MAP3K5: variants seen among roughly 807,000 people sequenced by gnomAD.
MAP3K5 encodes the protein ASK-1.
In MAP3K5, 56 loss-of-function variants were observed where a neutral mutation model predicts 158.7. The observed-to-expected ratio is 0.35, with a 90% CI of 0.28 to 0.44. The LOEUF (loss-of-function observed/expected upper bound fraction) is 0.44. MAP3K5 is among the 20% of genes least tolerant of loss of function. The pLI is 1.00. For missense variants in MAP3K5, 1,294 were observed against 1,674.8 expected (o/e 0.77, Z 3.97); for synonymous variants, 579 against 601.7 (o/e 0.96, Z 0.55).
intron 1 of MAP3K5, among the ~76,000 whole-genome samples, chr6:136,731,908 A>G (rs561254618): frequency 6.6e-6 from 1 of 152,368 alleles, no homozygotes; most frequent in East Asian, 1.9e-4. Flanking sequence ...AGAAAGATCT[A>G]AAAGCTTTTA....
intron 7 of MAP3K5, among the ~76,000 whole-genome samples, chr6:136,692,904 C>T (rs1562618401): frequency 6.6e-6 from 1 of 151,622 alleles, no homozygotes. Flanking sequence ...GGCAGTGGGC[C>T]GAGATTGCAC....
In MAP3K5 at chr6:136,791,400, A is replaced by T. The variant is rs951080976; in HGVS notation, c.448+310T>A. ...CGAAACCGAGACACTGAAAGGAGAA[A>T]GACTGACTGGGGCAAATATCTCACA... On this transcript the variant is annotated intron_variant, in intron 1 of 29. Transcript: ENST00000359015. Among the ~76,000 whole-genome samples the T allele has an allele frequency of 7.9e-5, 12 of 152,136 alleles. No homozygotes were observed. The East Asian group carries it at 2.3e-3, about 29-fold the overall frequency.
At chr6:136,601,101 G>A (rs991436884) in intron 20 of MAP3K5, 59 bp from the exon 21 acceptor site, 1 of 1,565,788 alleles carries the variant, frequency 6.4e-7, no homozygotes, top group African/African-American at 1.4e-5. Flanking sequence ...TTGTTAAACT[G>A]AGAAATCAAC....
At chr6:136,740,653 C>G (rs2114873871) in intron 1 of MAP3K5, among the ~76,000 whole-genome samples, 1 of 152,272 alleles carries the variant, frequency 6.6e-6, no homozygotes, top group Admixed American at 6.5e-5. Flanking sequence ...AGAAATGTTA[C>G]CTGAAATTCC....
chr6:136,730,121 C>A (rs35342788), intron 1 of MAP3K5, among the ~76,000 whole-genome samples: 1 of 151,448 alleles, frequency 6.6e-6, no homozygotes, highest in Non-Finnish European at 1.5e-5. Context: ...CACAAGTACA[C>A]GCCACCATAC....
intron 1 of MAP3K5, among the ~76,000 whole-genome samples, chr6:136,760,079 G>C (rs2114963446): frequency 1.3e-5 from 2 of 152,262 alleles, no homozygotes; most frequent in Non-Finnish European, 2.9e-5. Flanking sequence ...AAAGAAAGCA[G>C]GACAGAATGC....
At chr6:136,668,212 T>C (rs1779311797) in intron 8 of MAP3K5, among the ~76,000 whole-genome samples, 1 of 151,988 alleles carries the variant, frequency 6.6e-6, no homozygotes, top group South Asian at 2.1e-4. Flanking sequence ...TGGCCACGTC[T>C]TTATAAAAAA....
chr6:136,753,118 G>C (rs1390152546), intron 1 of MAP3K5, among the ~76,000 whole-genome samples: 1 of 152,048 alleles, frequency 6.6e-6, no homozygotes, highest in Non-Finnish European at 1.5e-5. Context: ...TTATTTATCT[G>C]CCTGTTTATT....
chr6:136,699,262 A>G (rs1399662133), intron 3 of MAP3K5, among the ~76,000 whole-genome samples: 1 of 152,034 alleles, frequency 6.6e-6, no homozygotes, highest in Non-Finnish European at 1.5e-5. Context: ...ATATAATGTC[A>G]TATTTGTCCA....
intron 10 of MAP3K5, among the ~76,000 whole-genome samples, chr6:136,652,480 G>C (rs953419882): frequency 6.6e-6 from 1 of 152,106 alleles, no homozygotes; most frequent in Non-Finnish European, 1.5e-5. Context: ...AAGCGGTAAT[G>C]ATGAATAATG....
At chr6:136,693,865 G>A (rs184632440) in intron 7 of MAP3K5, among the ~76,000 whole-genome samples, 66 of 152,234 alleles carry the variant, frequency 4.3e-4, no homozygotes, top group Admixed American at 1.0e-3. Flanking sequence ...GCGGGCACCT[G>A]TAATCCCAGT....
intron 6 of MAP3K5, among the ~76,000 whole-genome samples, chr6:136,695,436 G>A (rs540087700): frequency 9.5e-4 from 144 of 152,206 alleles, no homozygotes; most frequent in African/African-American, 3.3e-3. Flanking sequence ...ACCACGCCCA[G>A]CCTGTGAAAT....
intron 14 of MAP3K5, among the ~76,000 whole-genome samples, chr6:136,636,203 G>A (rs1777627658): frequency 6.6e-6 from 1 of 150,704 alleles, no homozygotes; most frequent in Non-Finnish European, 1.5e-5. Context: ...GCAGAGCAGG[G>A]TAACATTAGT....
rs982072227 is a variant in MAP3K5, at chr6:136,792,338, C to T, written c.-181G>A. ...TCTCCCCCGAGGGCACGCCGCTGCC[C>T]GGCGGCGGCTCGCTCCTCCTCGGCG... On this transcript the variant is annotated 5_prime_UTR_variant, in exon 1 of 30. Transcript: ENST00000359015. The surrounding 1 kb of genome is among the most constrained non-coding windows in gnomAD (Gnocchi z 5.7). 3.0e-6 allele frequency: 3 copies of T among 1,012,302 alleles called. No homozygotes were observed. Among genetic ancestry groups the T allele is most frequent in the Non-Finnish European group, 3.5e-6 (3 of 850,090 alleles). 62.7% of individuals were successfully genotyped at this position (1,012,302 alleles called of 1,614,324 possible). A position where few individuals can be genotyped will look rare whatever the true frequency, so the allele number is the denominator to read the frequency against.
chr6:136,567,965 G>A (rs995767848), intron 25 of MAP3K5, 91 bp from the exon 26 acceptor site: 62 of 1,337,508 alleles, frequency 4.6e-5, no homozygotes, highest in Middle Eastern at 2.0e-4. Context: ...CTGCCCCACC[G>A]TCAATAAGAT....
intron 10 of MAP3K5, among the ~76,000 whole-genome samples, chr6:136,652,015 A>T (rs958927607): frequency 6.6e-6 from 1 of 152,192 alleles, no homozygotes; most frequent in Non-Finnish European, 1.5e-5. Flanking sequence ...TGGAATAATC[A>T]TTCTACTCTA....
At chr6:136,615,437 ACT>A (rs1228816810) in intron 15 of MAP3K5, among the ~76,000 whole-genome samples, 5 of 151,804 alleles carry the variant, frequency 3.3e-5, no homozygotes, top group Non-Finnish European at 2.9e-5. Context: ...AGTCCCTGTG[ACT>A]CTGTTTTGTT....
At chr6:136,772,902 G>C (rs1784266919) in intron 1 of MAP3K5, among the ~76,000 whole-genome samples, 1 of 152,150 alleles carries the variant, frequency 6.6e-6, no homozygotes, top group African/African-American at 2.4e-5. Context: ...GACTTAACTG[G>C]CCTGAGAGAT....
At chr6:136,649,842 T>A (rs763520607) in intron 11 of MAP3K5, among the ~76,000 whole-genome samples, 16 of 152,236 alleles carry the variant, frequency 1.1e-4, no homozygotes, top group African/African-American at 3.9e-4. Flanking sequence ...CCTTTTGAGA[T>A]GGATATTATT....
Sources: allele counts gnomAD v4.1 joint callset (sites outside exome capture counted in the v4.1 genomes callset), GRCh38; gene constraint gnomAD v4.1.1; non-coding constraint Gnocchi (gnomAD v3.1); transcripts MANE v1.5; gene names NCBI Gene and HGNC (gene_info 2026-07-23, HGNC 2026-07-21).